ZIC3: variants seen among roughly 807,000 people sequenced by gnomAD.
The protein encoded by ZIC3 is zinc finger protein ZIC 3.
A neutral mutation model predicts 18.3 loss-of-function variants in ZIC3; 6 were observed. The ratio of observed to expected loss-of-function variants is 0.33; its 90% confidence interval spans 0.18 to 0.65. The LOEUF (loss-of-function observed/expected upper bound fraction) is 0.65. Ranked by LOEUF, ZIC3 falls within the 30% of genes least tolerant of loss-of-function variation. The pLI is 0.75. For missense variants in ZIC3, 260 were observed against 410.0 expected (o/e 0.63, Z 3.16); for synonymous variants, 175 against 177.0 (o/e 0.99, Z 0.09).
chrX:137,566,373 T>G lies in ZIC3; in HGVS notation c.-319T>G. 2.4e-5 allele frequency: 8 copies of G among 340,400 alleles called. No individual in the cohort carries two copies. Among genetic ancestry groups the G allele is most frequent in the East Asian group, 5.3e-5 (1 of 18,903 alleles). 28.1% of individuals were successfully genotyped at this position (340,400 alleles called of 1,213,427 possible). A position where few individuals can be genotyped will look rare whatever the true frequency, so the allele number is the denominator to read the frequency against. The stretch of plus-strand genomic sequence containing the variant: ...GGCAAACTCCGCCCTCCACTTACTA[T>G]TTTGCTTATTTTTCTTTGTGCGCGC... On this transcript the variant is annotated 5_prime_UTR_variant, in exon 1 of 3. Coordinates refer to ENST00000287538, the MANE Select transcript of ZIC3 (RefSeq NM_003413.4).
intron 1 of ZIC3, among the ~76,000 whole-genome samples, chrX:137,568,347 T>G (rs752465860): frequency 0.026 from 2,671 of 103,586 alleles, 56 homozygotes; most frequent in African/African-American, 0.058. Flanking sequence ...TCGATCTATC[T>G]ATCTATCTAT....
At chrX:137,568,749 C>G (rs753870632) in intron 1 of ZIC3, 153 bp from the exon 2 acceptor site, 28 of 437,432 alleles carry the variant, frequency 6.4e-5, no homozygotes, top group East Asian at 6.4e-4. Context: ...CTACGCTCTT[C>G]ATTTCTCTCC....
chrX:137,568,029 G>T (rs1001955002), intron 1 of ZIC3, among the ~76,000 whole-genome samples: 4 of 113,114 alleles, frequency 3.5e-5, no homozygotes, highest in Admixed American at 9.2e-5. Context: ...GCCTCTTTTT[G>T]TCTCCCTTTC....
At chrX:137,576,005 G>T (rs888585078), downstream of ZIC3, among the ~76,000 whole-genome samples, 6 of 110,689 alleles carry the variant, frequency 5.4e-5, no homozygotes, top group African/African-American at 2.0e-4. Context: ...AAGGAGGCCG[G>T]AGCCTCTTCA....
rs1443302015 is a variant in ZIC3, at chrX:137,567,215, C to G, written c.524C>G (p.Pro175Arg). 3.3e-6 allele frequency: 4 copies of G among 1,210,378 alleles called. No homozygotes were observed. The East Asian group carries it at 1.2e-4, about 36-fold the overall frequency. ...LHEQGAGHPS[P>R]TGHVDNNQVH... ...GAGCAGGGCGCTGGGCACCCGTCGCCCACAGGGCACGTGGACAACAACCAG... is the reference window on the plus strand; with the variant it reads ...GAGCAGGGCGCTGGGCACCCGTCGCGCACAGGGCACGTGGACAACAACCAG... The change falls in exon 1 of 3, where the codon CCC becomes CGC. Residue 175 changes from proline to arginine, a missense_variant. Pro to Arg is a moderately radical substitution (Grantham distance 103). This residue lies in a region of ZIC3 where 183 missense variants were observed against 223.8 expected (regional missense o/e 0.82). Coordinates refer to ENST00000287538, the MANE Select transcript of ZIC3 (RefSeq NM_003413.4).
At position 137,567,308 on chromosome X, in the gene ZIC3, G is replaced by T; in HGVS notation, c.617G>T (p.Arg206Leu). ...CCATACCGCCCAGTGGCCAGCCCGC[G>T]CACGGACCCCTACGCGGCCGGCGCT... ...ADPYRPVASPRTDPYAAGAQF... is the reference protein window; with the variant it reads ...ADPYRPVASPLTDPYAAGAQF... Residue 206 changes from arginine to leucine, a missense_variant, in exon 1 of 3, where the codon CGC becomes CTC. By Grantham distance (102) the Arg-to-Leu change is moderately radical. Coordinates refer to ENST00000287538, the MANE Select transcript of ZIC3 (RefSeq NM_003413.4). 3.3e-6 allele frequency: 4 copies of T among 1,211,494 alleles called. No individual in the cohort carries two copies. Among genetic ancestry groups the T allele is most frequent in the Non-Finnish European group, 4.5e-6 (4 of 895,620 alleles).
At position 137,571,209 on chromosome X, in the gene ZIC3, G is replaced by A. The variant is rs752176102; in HGVS notation, c.*1139G>A. The stretch of plus-strand genomic sequence containing the variant: ...CCCTGCCCTACATATATAAACATAA[G>A]GTAACCTACTGAATTTTATGTCCCT... On this transcript the variant is annotated 3_prime_UTR_variant, in exon 3 of 3. Coordinates refer to ENST00000287538, the MANE Select transcript of ZIC3 (RefSeq NM_003413.4). The A allele has an allele frequency of 8.9e-6, 1 of 112,108 alleles. No homozygotes were observed. The highest frequency in any genetic ancestry group is 9.5e-5 in the Admixed American group (1 of 10,541). The allele number at this position is 112,108 out of a possible 1,213,427, so 9.2% of individuals were successfully genotyped here.
downstream of ZIC3, among the ~76,000 whole-genome samples, chrX:137,572,774 T>G (rs1320115204): frequency 1.8e-5 from 2 of 110,766 alleles, no homozygotes; most frequent in African/African-American, 6.6e-5. Context: ...GTATTAAATA[T>G]CTCCTGAGAC....
At position 137,570,261 on chromosome X, in the gene ZIC3, A is replaced by T; in HGVS notation, c.*191A>T. ...GCCATGCCCTTTTCTCAGGATAGAA[A>T]ATATGTTTTGGCATTTGAAGCATTT... On this transcript the variant is annotated 3_prime_UTR_variant, in exon 3 of 3. Coordinates refer to ENST00000287538, the MANE Select transcript of ZIC3 (RefSeq NM_003413.4). 2.0e-6 allele frequency: 1 copy of T among 508,097 alleles called. No homozygotes were observed. The highest frequency in any genetic ancestry group is 3.2e-6 in the Non-Finnish European group (1 of 309,230). The allele number at this position is 508,097 out of a possible 1,213,427, so 41.9% of individuals were successfully genotyped here.
Position 137,567,048 on chromosome X carries a change from G to C in ZIC3, c.357G>C (p.Leu119=). 1 of 1,172,047 alleles carries C rather than the reference G, an allele frequency of 8.5e-7. No homozygotes were observed. Among genetic ancestry groups the C allele is most frequent in the Non-Finnish European group, 1.1e-6 (1 of 875,729 alleles). ...CCTTCAACTCAACGCGCGAGTTTCTGTTCCGCCAGCGCAGCTCCGGGCTCA... is the reference window on the plus strand; with the variant it reads ...CCTTCAACTCAACGCGCGAGTTTCTCTTCCGCCAGCGCAGCTCCGGGCTCA... ...SAAFNSTREF[L]FRQRSSGLSE... is the part of the protein sequence containing the mutation. Residue 119 remains leucine, a synonymous_variant, in exon 1 of 3, where the codon CTG becomes CTC. Transcript: ENST00000287538.
chrX:137,566,442 C>T lies in ZIC3; in HGVS notation c.-250C>T. The T allele has an allele frequency of 2.5e-6, 1 of 392,928 alleles. No homozygotes were observed. Among genetic ancestry groups the T allele is most frequent in the Non-Finnish European group, 4.4e-6 (1 of 226,445 alleles). 32.4% of individuals were successfully genotyped at this position (392,928 alleles called of 1,213,427 possible). On this transcript the variant is annotated 5_prime_UTR_variant, in exon 1 of 3. Coordinates refer to ENST00000287538, the MANE Select transcript of ZIC3 (RefSeq NM_003413.4). ...AGATCTAGTCCGAGTCTTTTCTCCT[C>T]CCTTCTCCTCCCTCCTCCTCCCCCC...
downstream of ZIC3, chrX:137,573,921 A>G (rs1423218052): frequency 8.9e-6 from 1 of 112,722 alleles, no homozygotes; most frequent in African/African-American, 3.2e-5. Flanking sequence ...TCCTAGGGTC[A>G]ATTCTCTCGC....
downstream of ZIC3, among the ~76,000 whole-genome samples, chrX:137,575,940 A>G (rs183486163): frequency 8.9e-6 from 1 of 112,381 alleles, no homozygotes; most frequent in Non-Finnish European, 1.9e-5. Context: ...CAATTAAAAT[A>G]AGCATGCCCT....
intron 2 of ZIC3, 128 bp from the exon 3 acceptor site, chrX:137,569,763 C>A (rs945908477): frequency 9.4e-6 from 6 of 636,677 alleles, no homozygotes; most frequent in Non-Finnish European, 1.4e-5. Context: ...TTTTTTTAAG[C>A]AGCATTTTTC....
Position 137,566,468 on chromosome X carries a change from G to T in ZIC3, c.-224G>T, listed in dbSNP as rs868731956. 13 of 56,171 alleles carry T rather than the reference G, an allele frequency of 2.3e-4. No individual in the cohort carries two copies. The highest frequency in any genetic ancestry group is 4.2e-4 in the East Asian group (1 of 2,376). The allele number at this position is 56,171 out of a possible 1,213,427, so 4.6% of individuals were successfully genotyped here. On this transcript the variant is annotated 5_prime_UTR_variant, in exon 1 of 3. Transcript: ENST00000287538. ...CCTTCTCCTCCCTCCTCCTCCCCCC[G>T]CCAACACCCCCTCCCTGCTCTTTCT...
downstream of ZIC3, among the ~76,000 whole-genome samples, chrX:137,572,508 C>T (rs1169432697): frequency 6.2e-5 from 7 of 112,139 alleles, no homozygotes; most frequent in Non-Finnish European, 7.5e-5. Flanking sequence ...TTTTCCTTCA[C>T]CTCAAACCAG....
intron 1 of ZIC3, among the ~76,000 whole-genome samples, chrX:137,568,075 G>C (rs1034908303): frequency 8.8e-6 from 1 of 113,283 alleles, no homozygotes; most frequent in African/African-American, 3.2e-5. Flanking sequence ...TGTGTTGAGA[G>C]CATATTGCTT....
In ZIC3 at chrX:137,566,369, A is replaced by C; in HGVS notation, c.-323A>C. 1 of 337,276 alleles carries C rather than the reference A, an allele frequency of 3.0e-6. No individual in the cohort carries two copies. The highest frequency in any genetic ancestry group is 5.3e-5 in the South Asian group (1 of 18,718). 27.8% of individuals were successfully genotyped at this position (337,276 alleles called of 1,213,427 possible). ...GATTGGCAAACTCCGCCCTCCACTT[A>C]CTATTTTGCTTATTTTTCTTTGTGC... is the stretch of plus-strand genomic sequence containing the variant. On this transcript the variant is annotated 5_prime_UTR_variant, in exon 1 of 3. Coordinates refer to ENST00000287538, the MANE Select transcript of ZIC3 (RefSeq NM_003413.4).
At chrX:137,574,303 A>G (rs1178058733), downstream of ZIC3, among the ~76,000 whole-genome samples, 1 of 113,061 alleles carries the variant, frequency 8.8e-6, no homozygotes, top group Admixed American at 9.2e-5. Flanking sequence ...AGCGCCTGGG[A>G]TAGAGGGGGC....
Sources: gnomAD v4.1 joint callset for allele counts (sites outside exome capture counted in the v4.1 genomes callset) on GRCh38, gnomAD v4.1.1 for gene constraint, gnomAD v4.1.1 regional missense constraint, MANE v1.5 for transcripts, NCBI Gene and HGNC (gene_info 2026-07-23, HGNC 2026-07-21) for gene names.